Variants in GRID1 observed in about 807,000 individuals in gnomAD.
The protein encoded by GRID1 is glutamate ionotropic receptor delta type subunit 1, also known as glutamate receptor ionotropic, delta-1.
A neutral mutation model predicts 98.0 loss-of-function variants in GRID1; 28 were observed. The observed-to-expected ratio is 0.29, with a 90% CI of 0.21 to 0.39. GRID1 has a LOEUF of 0.39. Ranked by LOEUF, GRID1 falls within the 10% of genes least tolerant of loss-of-function variation. GRID1 has a pLI of 1.00. For synonymous variants in GRID1, 553 were observed against 538.5 expected (o/e 1.03, Z -0.37); for missense variants, 1,111 against 1,340.5 (o/e 0.83, Z 2.67).
intron 8 of GRID1, among the ~76,000 whole-genome samples, chr10:85,753,508 C>A (rs1390907663): frequency 6.6e-6 from 1 of 152,160 alleles, no homozygotes; most frequent in African/African-American, 2.4e-5. Flanking sequence ...TTCCTACATG[C>A]CAGAAAAGAT....
chr10:86,154,207 C>T (rs759322535), intron 3 of GRID1, among the ~76,000 whole-genome samples: 26 of 152,158 alleles, frequency 1.7e-4, no homozygotes, highest in South Asian at 1.0e-3. Flanking sequence ...CTGCCAGGAA[C>T]GCTGGGTGAG....
At chr10:85,659,588 T>A (rs1050947892) in intron 12 of GRID1, among the ~76,000 whole-genome samples, 2 of 152,246 alleles carry the variant, frequency 1.3e-5, no homozygotes, top group Admixed American at 6.5e-5. Flanking sequence ...GGCCAGTGAT[T>A]GAACAATGCA....
intron 4 of GRID1, among the ~76,000 whole-genome samples, chr10:85,961,329 C>T (rs986215526): frequency 2.0e-5 from 3 of 152,072 alleles, no homozygotes; most frequent in East Asian, 1.9e-4. Context: ...ACAAGTCTCC[C>T]GCATCTGTCA....
At chr10:86,209,656 A>G (rs1171579765) in intron 2 of GRID1, among the ~76,000 whole-genome samples, 2 of 152,234 alleles carry the variant, frequency 1.3e-5, no homozygotes, top group East Asian at 3.8e-4. Flanking sequence ...AATACAATAC[A>G]TTTATAATCT....
At chr10:86,267,283 T>G (rs541673937) in intron 2 of GRID1, among the ~76,000 whole-genome samples, 1 of 152,248 alleles carries the variant, frequency 6.6e-6, no homozygotes, top group Non-Finnish European at 1.5e-5. Context: ...CAGAGCCACA[T>G]TCAAACCCAA....
chr10:85,727,333 G>A (rs1841771353), intron 10 of GRID1, among the ~76,000 whole-genome samples: 1 of 152,224 alleles, frequency 6.6e-6, no homozygotes, highest in African/African-American at 2.4e-5. Context: ...GACATGGTAA[G>A]TTGGCCTCAT....
chr10:86,356,577 G>A (rs1457835784), intron 2 of GRID1, among the ~76,000 whole-genome samples: 2 of 152,250 alleles, frequency 1.3e-5, no homozygotes, highest in Non-Finnish European at 2.9e-5. Flanking sequence ...CAACAACCAA[G>A]TGAAGTGACC....
intron 8 of GRID1, among the ~76,000 whole-genome samples, chr10:85,754,471 A>G (rs2132690171): frequency 6.6e-6 from 1 of 152,332 alleles, no homozygotes; most frequent in African/African-American, 2.4e-5. Context: ...AGAAACAGAG[A>G]AAAGAGTGAT....
intron 8 of GRID1, among the ~76,000 whole-genome samples, chr10:85,796,774 T>C (rs1842529639): frequency 6.6e-6 from 1 of 151,992 alleles, no homozygotes; most frequent in South Asian, 2.1e-4. Flanking sequence ...GAAGCATTAG[T>C]TTCAATAAGA....
chr10:86,265,378 CT>C (rs1847088374), intron 2 of GRID1, among the ~76,000 whole-genome samples: 1 of 152,242 alleles, frequency 6.6e-6, no homozygotes, highest in Non-Finnish European at 1.5e-5. Flanking sequence ...CCCTGATAAC[CT>C]GTGCCAGGCA....
intron 4 of GRID1, among the ~76,000 whole-genome samples, chr10:86,099,316 T>C (rs1355210075): frequency 1.3e-5 from 2 of 152,108 alleles, no homozygotes; most frequent in Admixed American, 1.3e-4. Context: ...AATCCTTCAT[T>C]TCACAAACAC....
chr10:85,703,213 T>C (rs943984471), intron 12 of GRID1, among the ~76,000 whole-genome samples: 8 of 152,098 alleles, frequency 5.3e-5, no homozygotes, highest in Non-Finnish European at 1.0e-4. Context: ...CAGAAAATGT[T>C]CTCAGATATG....
At chr10:85,834,040 C>T (rs189255752) in intron 8 of GRID1, among the ~76,000 whole-genome samples, 11 of 152,032 alleles carry the variant, frequency 7.2e-5, no homozygotes, top group South Asian at 4.2e-4. Context: ...TTCCAGAAAG[C>T]GAAGAGAAAG....
At chr10:85,830,813 C>T (rs1333456410) in intron 8 of GRID1, among the ~76,000 whole-genome samples, 2 of 152,084 alleles carry the variant, frequency 1.3e-5, no homozygotes, top group African/African-American at 4.8e-5. Context: ...AAAATAATAA[C>T]AGATGTTCGT....
intron 4 of GRID1, among the ~76,000 whole-genome samples, chr10:85,981,039 A>G (rs1842538305): frequency 6.6e-6 from 1 of 152,190 alleles, no homozygotes; most frequent in Non-Finnish European, 1.5e-5. Context: ...TGGAGGGGCC[A>G]CTAGCTCCCA....
At chr10:85,788,382 T>G (rs1174776149) in intron 8 of GRID1, among the ~76,000 whole-genome samples, 1 of 152,166 alleles carries the variant, frequency 6.6e-6, no homozygotes, top group East Asian at 1.9e-4. Context: ...AATTATTATG[T>G]TTAGGTGTGT....
intron 4 of GRID1, among the ~76,000 whole-genome samples, chr10:85,973,775 T>C (rs1041829962): frequency 3.9e-5 from 6 of 152,218 alleles, no homozygotes; most frequent in African/African-American, 9.6e-5. Context: ...CAGCAGGGAA[T>C]ATATTAAGTC....
Position 85,702,980 on chromosome 10 carries a change from G to C in GRID1, c.1997+20023C>G, listed in dbSNP as rs115553617. 4.3e-3 allele frequency among the ~76,000 whole-genome samples: 646 copies of C among 151,982 alleles called. 5 individuals are homozygous for C. Among genetic ancestry groups the C allele is most frequent in the African/African-American group, 0.014 (571 of 41,452 alleles). ...AAATGAACCAGACAGAAGGAGAAAG[G>C]AGGAGGAAATAAGGAGATGAAGAAA... On this transcript the variant is annotated intron_variant, in intron 12 of 15. Transcript: ENST00000327946.
At chr10:85,779,569 C>T (rs1177137142) in intron 8 of GRID1, among the ~76,000 whole-genome samples, 3 of 152,128 alleles carry the variant, frequency 2.0e-5, no homozygotes, top group East Asian at 3.9e-4. Context: ...GATCCTCTCC[C>T]GGCCCAGGCT....
Sources: gnomAD v4.1 joint callset for allele counts (sites outside exome capture counted in the v4.1 genomes callset) on GRCh38, gnomAD v4.1.1 for gene constraint, MANE v1.5 for transcripts, NCBI Gene and HGNC (gene_info 2026-07-23, HGNC 2026-07-21) for gene names.